PHIP: variants seen among roughly 807,000 people sequenced by gnomAD.
The protein encoded by PHIP is PHIP subunit of CUL4-Ring ligase complex.
PHIP carries 54 observed loss-of-function variants against 236.8 expected under a neutral mutation model. The ratio of observed to expected loss-of-function variants is 0.23; its 90% confidence interval spans 0.18 to 0.29. PHIP has a LOEUF of 0.29. PHIP is among the 10% of genes least tolerant of loss of function. PHIP has a pLI of 1.00. For missense variants in PHIP, 1,370 were observed against 2,190.8 expected, an observed-to-expected ratio of 0.63 and a Z score of 7.48; for synonymous variants, 756 against 718.9, an observed-to-expected ratio of 1.05 and a Z score of -0.83.
intron 24 of PHIP, among the ~76,000 whole-genome samples, chr6:78,973,989 T>C (rs549782722): frequency 2.6e-5 from 4 of 152,146 alleles, no homozygotes; most frequent in African/African-American, 9.6e-5. Flanking sequence ...TTAACAAGGA[T>C]ACCCAGGAAT....
At chr6:78,962,793 A>T (rs1178135027) in intron 30 of PHIP, among the ~76,000 whole-genome samples, 4 of 152,150 alleles carry the variant, frequency 2.6e-5, no homozygotes, top group Non-Finnish European at 1.5e-5. Context: ...AATTCATATC[A>T]TGTCAGCCTG....
intron 34 of PHIP, 36 bp downstream of exon 34, chr6:78,955,194 CAT>C: frequency 7.2e-7 from 1 of 1,395,400 alleles, no homozygotes; most frequent in Non-Finnish European, 1.0e-6. Flanking sequence ...CATTTTAATT[CAT>C]ATAAAGTACT....
At chr6:79,023,790 A>G (rs1771252696) in intron 9 of PHIP, among the ~76,000 whole-genome samples, 1 of 152,194 alleles carries the variant, frequency 6.6e-6, no homozygotes, top group African/African-American at 2.4e-5. Context: ...TATTGTACTT[A>G]GCAATAAAAT....
At chr6:78,948,566 C>T (rs1292270334) in intron 35 of PHIP, among the ~76,000 whole-genome samples, 1 of 152,082 alleles carries the variant, frequency 6.6e-6, no homozygotes, top group Middle Eastern at 3.2e-3. Flanking sequence ...GCCATCAAAG[C>T]TCACTGCATC....
chr6:78,968,758 T>A lies in PHIP; in HGVS notation c.3205+1077A>T, dbSNP rs550047694. ...ATTAATAATTGCTTCATTTTTTTAA[T>A]GCTTGGTTTTCAGTGAATTTACAAT... is the stretch of plus-strand genomic sequence containing the variant. On this transcript the variant is annotated intron_variant, in intron 27 of 39. Coordinates refer to ENST00000275034, the MANE Select transcript of PHIP (RefSeq NM_017934.7). Among the ~76,000 whole-genome samples the A allele has an allele frequency of 2.0e-5, 3 of 152,356 alleles. No homozygotes were observed. The South Asian group carries it at 6.2e-4, about 32-fold the overall frequency.
intron 4 of PHIP, among the ~76,000 whole-genome samples, chr6:79,065,474 C>T (rs1773577635): frequency 6.6e-6 from 1 of 152,130 alleles, no homozygotes; most frequent in South Asian, 2.1e-4. Context: ...TAATCTCTCT[C>T]TCCTGTCAGA....
intron 30 of PHIP, 91 bp downstream of exon 30, chr6:78,963,006 T>TG (rs989074385): frequency 1.6e-6 from 2 of 1,249,940 alleles, no homozygotes; most frequent in African/African-American, 3.1e-5. Context: ...TAGGATATTG[T>TG]GAAAAAAAAT....
rs1017840066 is a variant in PHIP, at chr6:78,974,413, A to G, written c.2890-3525T>C. 4.6e-5 allele frequency among the ~76,000 whole-genome samples: 7 copies of G among 151,998 alleles called. No homozygotes were observed. In the East Asian group the frequency reaches 7.7e-4, roughly 17 times the overall value. Reference sequence around the variant, plus strand: ...GAAATTTATAGCACTAAATGCCCACAAGAGTAAGCAGGAAAGATCCAAAAT... The same window carrying G: ...GAAATTTATAGCACTAAATGCCCACGAGAGTAAGCAGGAAAGATCCAAAAT... On this transcript the variant is annotated intron_variant, in intron 24 of 39. Transcript: ENST00000275034.
chr6:78,942,839 T>C (rs1359646350), intron 39 of PHIP, among the ~76,000 whole-genome samples: 1 of 152,214 alleles, frequency 6.6e-6, no homozygotes, highest in Non-Finnish European at 1.5e-5. Context: ...TATGTACATT[T>C]TTCTGAGACA....
At position 78,940,743 on chromosome 6, in the gene PHIP, G is replaced by A; in HGVS notation, c.5416C>T (p.Arg1806Ter). 6.2e-7 allele frequency: 1 copy of A among 1,613,072 alleles called. No homozygotes were observed. Among genetic ancestry groups the A allele is most frequent in the South Asian group, 1.1e-5 (1 of 91,016 alleles). Residue 1806 changes from arginine (R) to a stop codon, truncating the protein, a stop_gained, in exon 40 of 40, where the codon CGA (arginine) becomes TGA (stop). Coordinates refer to ENST00000275034, the MANE Select transcript of PHIP (RefSeq NM_017934.7). LOFTEE classifies it high-confidence loss of function. ...SLTFGTSSRGRVRKLTEKAKA... is the reference protein window; with the variant it reads ...SLTFGTSSRG ...GCTTTTTCAGTCAACTTTCGGACTC[G>A]TCCTCTACTAGAAGTTCCAAAAGTT...
intron 31 of PHIP, among the ~76,000 whole-genome samples, chr6:78,959,095 ATGC>A (rs1401260972): frequency 5.9e-5 from 9 of 152,148 alleles, no homozygotes; most frequent in Admixed American, 2.0e-4. Context: ...AAAATATAGC[ATGC>A]TAGTTTACCA....
rs192530933 is a variant in PHIP, at chr6:79,025,924, T to C, written c.822+19A>G. 1.1e-4 allele frequency: 162 copies of C among 1,474,814 alleles called. No homozygotes were observed. The African/African-American group carries it at 2.2e-3, about 20-fold the overall frequency. 91.4% of individuals were successfully genotyped at this position (1,474,814 alleles called of 1,614,324 possible). Reference sequence around the variant, plus strand: ...TAACAACAACAACAACAACAATGTATAGGGATTAAGACAATTACCTGTAGT... The same window carrying C: ...TAACAACAACAACAACAACAATGTACAGGGATTAAGACAATTACCTGTAGT... On this transcript the variant is annotated intron_variant, in intron 8 of 39. Coordinates refer to ENST00000275034, the MANE Select transcript of PHIP (RefSeq NM_017934.7).
intron 7 of PHIP, among the ~76,000 whole-genome samples, chr6:79,041,182 C>T (rs1046869047): frequency 6.6e-6 from 1 of 152,068 alleles, no homozygotes; most frequent in Non-Finnish European, 1.5e-5. Flanking sequence ...ATATAAACAA[C>T]TGAACATGCC....
At chr6:79,010,789 A>G (rs1770534916) in intron 15 of PHIP, among the ~76,000 whole-genome samples, 1 of 151,920 alleles carries the variant, frequency 6.6e-6, no homozygotes, top group African/African-American at 2.4e-5. Context: ...TTAATATTCA[A>G]ATGGCCTAGT....
chr6:78,971,431 G>A (rs893340440), intron 24 of PHIP, among the ~76,000 whole-genome samples: 5 of 152,178 alleles, frequency 3.3e-5, no homozygotes, highest in Non-Finnish European at 2.9e-5. Flanking sequence ...GTAGAAGAAC[G>A]TGTTTTAAAA....
chr6:78,977,290 A>G (rs934966113), intron 24 of PHIP, among the ~76,000 whole-genome samples: 3 of 149,144 alleles, frequency 2.0e-5, no homozygotes, highest in Non-Finnish European at 4.5e-5. Context: ...AAAACCAAAC[A>G]CCGCATATTC....
intron 9 of PHIP, among the ~76,000 whole-genome samples, chr6:79,020,781 C>T (rs1771080291): frequency 6.6e-6 from 1 of 152,248 alleles, no homozygotes; most frequent in African/African-American, 2.4e-5. Flanking sequence ...TTCTGTGGCC[C>T]AGGCTAGAGT....
rs1047315530 is a variant in PHIP, at chr6:78,945,876, T to A, written c.4630+125A>T. 5.6e-6 allele frequency: 4 copies of A among 711,560 alleles called. No homozygotes were observed. In the African/African-American group the frequency reaches 7.2e-5, roughly 13 times the overall value. 44.1% of individuals were successfully genotyped at this position (711,560 alleles called of 1,614,324 possible). A position where few individuals can be genotyped will look rare whatever the true frequency, so the allele number is the denominator to read the frequency against. On this transcript the variant is annotated intron_variant, in intron 38 of 39. Coordinates refer to ENST00000275034, the MANE Select transcript of PHIP (RefSeq NM_017934.7). Reference sequence around the variant, plus strand: ...ACTTTTTTTTAAAATAGGAAATTAATAAAGAAGGCAAAAACAACAGTGTCT... The same window carrying A: ...ACTTTTTTTTAAAATAGGAAATTAAAAAAGAAGGCAAAAACAACAGTGTCT...
At chr6:79,070,829 A>T (rs1483667588) in intron 4 of PHIP, among the ~76,000 whole-genome samples, 1 of 152,226 alleles carries the variant, frequency 6.6e-6, no homozygotes, top group Non-Finnish European at 1.5e-5. Flanking sequence ...TATGTAAATA[A>T]TTGTTACAAT....
Sources: allele counts gnomAD v4.1 joint callset (sites outside exome capture counted in the v4.1 genomes callset), GRCh38; gene constraint gnomAD v4.1.1; transcripts MANE v1.5; gene names NCBI Gene and HGNC (gene_info 2026-07-23, HGNC 2026-07-21).